The following ELOA variants were observed in gnomAD, a reference collection of about 807,000 sequenced individuals.
ELOA encodes elongin A, also known as elongin-A.
In ELOA, 15 loss-of-function variants were observed where a neutral mutation model predicts 85.2. The observed-to-expected ratio is 0.18, with a 90% confidence interval of 0.12 to 0.27. The LOEUF is 0.27. ELOA is among the 10% of genes least tolerant of loss of function. The pLI is 1.00. For missense variants in ELOA, 769 were observed against 952.7 expected (o/e 0.81, Z 2.54); for synonymous variants, 348 against 357.2 (o/e 0.97, Z 0.29).
chr1:23,751,595 C>G lies in ELOA; in HGVS notation c.990C>G (p.His330Gln), dbSNP rs768274378. The change falls in exon 4 of 11, where the codon CAC becomes CAG. Residue 330 changes from histidine (H) to glutamine (Q), a missense_variant. Coordinates refer to ENST00000613537, the MANE Select transcript of ELOA (RefSeq NM_003198.3). ...ASDNHLKKPK[H>Q]RDPEKAKLDK... ...ACAACCACCTGAAAAAGCCAAAGCA[C>G]AGAGACCCAGAGAAAGCCAAATTGG... is the stretch of plus-strand genomic sequence containing the variant. The G allele has an allele frequency of 1.9e-6, 3 of 1,614,182 alleles. No homozygotes were observed. In the South Asian group the frequency reaches 3.3e-5, roughly 18 times the overall value.
At position 23,760,107 on chromosome 1, in the gene ELOA, G is replaced by T. The variant is rs77234707; in HGVS notation, c.*534G>T. 1,344 of 153,956 alleles carry T rather than the reference G, an allele frequency of 8.7e-3. 16 individuals carry two copies. The highest frequency in any genetic ancestry group is 0.027 in the Middle Eastern group (8 of 296). The allele number at this position is 153,956 out of a possible 1,614,324, so 9.5% of individuals were successfully genotyped here. On this transcript the variant is annotated 3_prime_UTR_variant, in exon 11 of 11. Coordinates refer to ENST00000613537, the MANE Select transcript of ELOA (RefSeq NM_003198.3). ...CTGCTGCACGTAGGGCAAGGAATGA[G>T]CACTAGACCGCCTGTCCCCAAGGGA...
chr1:23,755,790 A>G (rs1387725355), intron 7 of ELOA, 53 bp from the exon 8 acceptor site: 15 of 1,532,224 alleles, frequency 9.8e-6, no homozygotes, highest in Non-Finnish European at 1.2e-5. Flanking sequence ...AAAAAAAAAA[A>G]AAAAATATGG....
At chr1:23,748,912 CATA>C in intron 1 of ELOA, 106 bp from the exon 2 acceptor site, 1 of 792,802 alleles carries the variant, frequency 1.3e-6, no homozygotes, top group Non-Finnish European at 2.1e-6. Flanking sequence ...TGTAAATAGG[CATA>C]ATACTTATAC....
chr1:23,746,160 G>T (rs979157345), intron 1 of ELOA, among the ~76,000 whole-genome samples: 5 of 150,306 alleles, frequency 3.3e-5, no homozygotes, highest in Non-Finnish European at 7.4e-5. Flanking sequence ...GTGGTGGCAG[G>T]CGCCTGTAAT....
chr1:23,746,955 TG>T (rs1318003059), intron 1 of ELOA, among the ~76,000 whole-genome samples: 1 of 152,212 alleles, frequency 6.6e-6, no homozygotes, highest in African/African-American at 2.4e-5. Flanking sequence ...TTTTTTCTCT[TG>T]TGTTAGACTA....
intron 1 of ELOA, among the ~76,000 whole-genome samples, chr1:23,745,709 C>G (rs1055983056): frequency 1.3e-5 from 2 of 152,124 alleles, no homozygotes; most frequent in African/African-American, 4.8e-5. Context: ...GGCCTTGTTC[C>G]TCTCAACCTT....
In ELOA at chr1:23,751,847, C is replaced by T. The variant is rs543325822; in HGVS notation, c.1242C>T (p.Asp414=). The change falls in exon 4 of 11, where the codon GAC becomes GAT. Residue 414 remains aspartate, a synonymous_variant. Transcript: ENST00000613537. ...CTTTTGAATCCTACCTCAGCTATGACCAGCCCCGGAAGAAAAAGAAAAAGA... is the reference window on the plus strand; with the variant it reads ...CTTTTGAATCCTACCTCAGCTATGATCAGCCCCGGAAGAAAAAGAAAAAGA... The part of the protein sequence containing the change: ...TMSFESYLSY[D]QPRKKKKKIV... 2 of 1,614,062 alleles carry T rather than the reference C, an allele frequency of 1.2e-6. No homozygotes were observed. Among genetic ancestry groups the T allele is most frequent in the South Asian group, 1.1e-5 (1 of 91,062 alleles).
chr1:23,761,052 T>A lies in ELOA; in HGVS notation c.*1479T>A, dbSNP rs1638287185. On this transcript the variant is annotated 3_prime_UTR_variant, in exon 11 of 11. Transcript: ENST00000613537. The stretch of plus-strand genomic sequence containing the variant: ...ATACAGAGCCAGTGTTTTCTGTAAC[T>A]GGAGACCTCAGTTAGGCCAACTTCG... The A allele has an allele frequency of 6.6e-6, 1 of 152,198 alleles. No homozygotes were observed. The highest frequency in any genetic ancestry group is 1.5e-5 in the Non-Finnish European group (1 of 68,040). The allele number at this position is 152,198 out of a possible 1,614,324, so 9.4% of individuals were successfully genotyped here. A position where few individuals can be genotyped will look rare whatever the true frequency, so the allele number is the denominator to read the frequency against.
At chr1:23,748,044 AG>A (rs1450706271) in intron 1 of ELOA, among the ~76,000 whole-genome samples, 1 of 152,242 alleles carries the variant, frequency 6.6e-6, no homozygotes, top group African/African-American at 2.4e-5. Context: ...AGGTTTGGCC[AG>A]TCATAACTTT....
Position 23,751,264 on chromosome 1 carries a change from A to G in ELOA, c.659A>G (p.Asp220Gly). The part of the protein sequence containing the change: ...PGKGHSNAFQ[D>G]RLGASQERHL... ...AAAGGCCACAGCAATGCCTTTCAGG[A>G]CAGACTCGGGGCCAGCCAAGAACGA... Residue 220 changes from aspartate (D) to glycine (G), a missense_variant, in exon 4 of 11, where the codon GAC (aspartate) becomes GGC (glycine). Physicochemically the swap from Asp to Gly is moderately conservative, Grantham distance 94. This residue lies in a region of ELOA where 440 missense variants were observed against 474.0 expected (regional missense o/e 0.93). Transcript: ENST00000613537. 1 of 1,614,236 alleles carries G rather than the reference A, an allele frequency of 6.2e-7. No individual in the cohort carries two copies. The highest frequency in any genetic ancestry group is 1.1e-5 in the South Asian group (1 of 91,086).
intron 1 of ELOA, among the ~76,000 whole-genome samples, 188 bp from the exon 2 acceptor site, chr1:23,748,833 C>G (rs1303537925): frequency 6.6e-6 from 1 of 152,114 alleles, no homozygotes; most frequent in Non-Finnish European, 1.5e-5. Flanking sequence ...CCACTTGCAT[C>G]TTGGGACAAG....
At chr1:23,744,681 T>C (rs12084665) in intron 1 of ELOA, among the ~76,000 whole-genome samples, 7,712 of 151,984 alleles carry the variant, frequency 0.051, 606 homozygotes, top group African/African-American at 0.17. Context: ...TTGAACTCAG[T>C]TGTCAGGATT....
intron 1 of ELOA, among the ~76,000 whole-genome samples, chr1:23,748,336 A>G (rs767159410): frequency 1.3e-5 from 2 of 152,170 alleles, no homozygotes; most frequent in Admixed American, 6.5e-5. Flanking sequence ...CAGATTGTCA[A>G]GCCTGTCTCT....
chr1:23,752,235 G>C lies in ELOA; in HGVS notation c.1426-172G>C, dbSNP rs567351685. On this transcript the variant is annotated intron_variant, in intron 4 of 10. Transcript: ENST00000613537. ...TTTTCTGCATTATTCTCTTGTGATG[G>C]GCTCATCTGTATTTATTTCCTGACT... is the stretch of plus-strand genomic sequence containing the variant. Among the ~76,000 whole-genome samples, 12 of 152,282 alleles carry C rather than the reference G, an allele frequency of 7.9e-5. No homozygotes were observed. In the South Asian group the frequency reaches 2.5e-3, roughly 32 times the overall value.
chr1:23,754,075 C>T, intron 5 of ELOA, 25 bp from the exon 6 acceptor site: 1 of 1,612,236 alleles, frequency 6.2e-7, no homozygotes, highest in East Asian at 2.2e-5. Flanking sequence ...CACTTAGGGC[C>T]TTTTGTGTTT....
At chr1:23,748,965 A>C in intron 1 of ELOA, 56 bp from the exon 2 acceptor site, 3 of 1,433,622 alleles carry the variant, frequency 2.1e-6, no homozygotes, top group Non-Finnish European at 2.9e-6. Flanking sequence ...CTTAATAATC[A>C]GATATTCTTG....
chr1:23,755,936 A>G lies in ELOA; in HGVS notation c.1885A>G (p.Met629Val). ...RPEEYESWRE[M>V]YLRLQDAREQ... ...CGAAGAGTATGAGTCGTGGCGAGAG[A>G]TGTACCTGCGGCTTCAGGACGCCCG... is the stretch of plus-strand genomic sequence containing the variant. The change falls in exon 8 of 11, where the codon ATG (methionine) becomes GTG (valine). Residue 629 changes from methionine (M) to valine (V), a missense_variant. Coordinates refer to ENST00000613537, the MANE Select transcript of ELOA (RefSeq NM_003198.3). 6.2e-7 allele frequency: 1 copy of G among 1,613,902 alleles called. No homozygotes were observed. Among genetic ancestry groups the G allele is most frequent in the Non-Finnish European group, 8.5e-7 (1 of 1,179,992 alleles).
At chr1:23,748,478 A>C (rs984793940) in intron 1 of ELOA, among the ~76,000 whole-genome samples, 13 of 152,194 alleles carry the variant, frequency 8.5e-5, no homozygotes, top group Admixed American at 6.5e-4. Context: ...CACCGTTAAC[A>C]TCCAAGCTCT....
At chr1:23,754,895 T>C (rs1644787662) in intron 7 of ELOA, among the ~76,000 whole-genome samples, 1 of 151,892 alleles carries the variant, frequency 6.6e-6, no homozygotes, top group Non-Finnish European at 1.5e-5. Context: ...TTTGATTGCA[T>C]CAGCTGTCTC....
Sources: allele counts gnomAD v4.1 joint callset (sites outside exome capture counted in the v4.1 genomes callset), GRCh38; gene constraint gnomAD v4.1.1; regional missense constraint gnomAD v4.1.1; transcripts MANE v1.5; gene names NCBI Gene and HGNC (gene_info 2026-07-23, HGNC 2026-07-21).